Variants in SYBU observed in about 807,000 individuals in gnomAD.
SYBU encodes the protein GOLSYN A protein.
In SYBU, 21 loss-of-function variants were observed where a neutral mutation model predicts 35.9. That is an observed-to-expected ratio of 0.58 (90% CI 0.41 to 0.84). The LOEUF is 0.84. Among genes scored for constraint, SYBU ranks in the 40% least tolerant of loss-of-function variants. The pLI is 0.00. For missense variants in SYBU, 768 were observed against 848.2 expected (o/e 0.91, Z 1.17); for synonymous variants, 319 against 324.3 (o/e 0.98, Z 0.18).
intron 1 of SYBU, among the ~76,000 whole-genome samples, chr8:109,670,751 C>T (rs114757543): frequency 0.03 from 4,497 of 152,192 alleles, 224 homozygotes; most frequent in African/African-American, 0.1. Flanking sequence ...TTTTACCAAA[C>T]AATCCTGATT....
chr8:109,688,185 A>G (rs1464029363), intron 1 of SYBU, among the ~76,000 whole-genome samples: 1 of 152,198 alleles, frequency 6.6e-6, no homozygotes, highest in East Asian at 1.9e-4. Context: ...CAGATGAAAC[A>G]TTATTTCATA....
Position 109,577,875 on chromosome 8 carries a change from G to T in SYBU, c.877C>A (p.His293Asn). 2 of 1,612,246 alleles carry T rather than the reference G, an allele frequency of 1.2e-6. No homozygotes were observed. The highest frequency in any genetic ancestry group is 1.7e-6 in the Non-Finnish European group (2 of 1,179,156). ...CAAGGAAGGCAGATTCACCTTTCAT[G>T]GAGTCGGCGCTCAGATTCCTTCAGC... ...TKLKESERRL[H>N]ERESEIVELK... Residue 293 changes from histidine to asparagine, a missense_variant, in exon 6 of 7, where the codon CAT becomes AAT. His to Asn is a moderately conservative substitution (Grantham distance 68, BLOSUM62 1). Coordinates refer to ENST00000276646, the MANE Select transcript of SYBU (RefSeq NM_001099754.2).
rs926937533 is a variant in SYBU at position 109,588,326 on chromosome 8, A to C, written c.428-2164T>G. Among the ~76,000 whole-genome samples the C allele has an allele frequency of 3.3e-5, 5 of 152,196 alleles. No homozygotes were observed. In the South Asian group the frequency reaches 6.2e-4, roughly 19 times the overall value. On this transcript the variant is annotated intron_variant, in intron 3 of 6. Transcript: ENST00000276646. ...TGGTAATTATGTTCTCTGAACTGAA[A>C]GGACAACTTTGTTCTATATTTTATT...
intron 5 of SYBU, among the ~76,000 whole-genome samples, chr8:109,579,070 A>G: frequency 6.6e-6 from 1 of 152,142 alleles, no homozygotes; most frequent in South Asian, 2.1e-4. Flanking sequence ...AGGGATGCCC[A>G]GCAGGAAGAA....
At chr8:109,577,085 C>A (rs1006989556) in intron 6 of SYBU, among the ~76,000 whole-genome samples, 2 of 152,134 alleles carry the variant, frequency 1.3e-5, no homozygotes, top group Non-Finnish European at 2.9e-5. Flanking sequence ...CCCTTCCTCG[C>A]AGTCTGCACC....
chr8:109,618,739 G>A (rs908280189), intron 3 of SYBU, 103 bp downstream of exon 3: 25 of 1,039,036 alleles, frequency 2.4e-5, no homozygotes, highest in South Asian at 2.2e-4. Context: ...TGCTGGGTAC[G>A]GTATTTGTGA....
At chr8:109,690,240 G>C (rs1587007880) in intron 1 of SYBU, among the ~76,000 whole-genome samples, 1 of 152,136 alleles carries the variant, frequency 6.6e-6, no homozygotes, top group East Asian at 1.9e-4. Flanking sequence ...TTTCACCTGG[G>C]CTCATCTCTC....
chr8:109,622,531 C>T (rs999815372), intron 2 of SYBU, among the ~76,000 whole-genome samples: 1 of 152,150 alleles, frequency 6.6e-6, no homozygotes, highest in African/African-American at 2.4e-5. Context: ...GCGTGCCTGG[C>T]CACATTTACT....
chr8:109,689,321 T>C (rs1817591482), intron 1 of SYBU, among the ~76,000 whole-genome samples: 2 of 152,216 alleles, frequency 1.3e-5, no homozygotes, highest in South Asian at 2.1e-4. Context: ...TTTTAAAATT[T>C]TCTTTAATTA....
chr8:109,668,463 T>C, intron 1 of SYBU, among the ~76,000 whole-genome samples: 1 of 152,276 alleles, frequency 6.6e-6, no homozygotes, highest in Middle Eastern at 3.4e-3. Flanking sequence ...TCAAAGGTAA[T>C]TTAACTATAT....
chr8:109,601,571 G>C (rs976424434), intron 3 of SYBU, among the ~76,000 whole-genome samples: 2 of 152,096 alleles, frequency 1.3e-5, no homozygotes, highest in African/African-American at 4.8e-5. Context: ...AAAACACAGA[G>C]GAGGAAGAAA....
intron 1 of SYBU, among the ~76,000 whole-genome samples, chr8:109,690,900 G>A (rs1817630137): frequency 6.6e-6 from 1 of 152,110 alleles, no homozygotes; most frequent in South Asian, 2.1e-4. Context: ...TCCCTCTTTG[G>A]AGAGCTCAAT....
Position 109,579,480 on chromosome 8 carries a change from A to G in SYBU, c.734+319T>C, listed in dbSNP as rs1822758696. On this transcript the variant is annotated intron_variant, in intron 5 of 6. Transcript: ENST00000276646. ...TGCTCTGTTGCCCAGGCTGGAGTTCAGTGGCGTGATCTCGGTTCACTGGAA... is the reference window on the plus strand; with the variant it reads ...TGCTCTGTTGCCCAGGCTGGAGTTCGGTGGCGTGATCTCGGTTCACTGGAA... Among the ~76,000 whole-genome samples, 3 of 152,122 alleles carry G rather than the reference A, an allele frequency of 2.0e-5. No individual in the cohort carries two copies. In the South Asian group the frequency reaches 6.2e-4, roughly 32 times the overall value.
Position 109,575,470 on chromosome 8 carries a change from A to G in SYBU, c.1428T>C (p.Gly476=). 3 of 1,613,982 alleles carry G rather than the reference A, an allele frequency of 1.9e-6. No individual in the cohort carries two copies. The highest frequency in any genetic ancestry group is 2.5e-6 in the Non-Finnish European group (3 of 1,179,990). The stretch of plus-strand genomic sequence containing the variant: ...CCACCACCACACTGCCCTCCTCCTG[A>G]CCCATGACTATGGGCAGCAGCTCCA... ...NVLELLPIVM[G]QEEGSVVVER... Residue 476 remains glycine (G), a synonymous_variant, in exon 7 of 7, where the codon GGT becomes GGC. Coordinates refer to ENST00000276646, the MANE Select transcript of SYBU (RefSeq NM_001099754.2).
At chr8:109,631,284 T>C (rs1398859283) in intron 2 of SYBU, among the ~76,000 whole-genome samples, 2 of 152,196 alleles carry the variant, frequency 1.3e-5, no homozygotes, top group Non-Finnish European at 2.9e-5. Flanking sequence ...GTGACTGAAA[T>C]GAACACCTCA....
intron 1 of SYBU, among the ~76,000 whole-genome samples, chr8:109,677,228 T>A (rs1249335133): frequency 6.6e-6 from 1 of 152,166 alleles, no homozygotes; most frequent in Non-Finnish European, 1.5e-5. Context: ...CTAAAAGTAA[T>A]ACATACAAGT....
chr8:109,580,208 C>T (rs951429253), intron 4 of SYBU: 2 of 561,014 alleles, frequency 3.6e-6, no homozygotes, highest in Non-Finnish European at 6.4e-6. Flanking sequence ...GCAACCTCTC[C>T]CTCTGTTGTT....
At chr8:109,658,991 A>T (rs2130735694) in intron 1 of SYBU, among the ~76,000 whole-genome samples, 1 of 152,232 alleles carries the variant, frequency 6.6e-6, no homozygotes, top group Non-Finnish European at 1.5e-5. Context: ...CAACAAAAAA[A>T]ACCTTCTGCA....
chr8:109,667,287 T>C (rs967703339), intron 1 of SYBU, among the ~76,000 whole-genome samples: 8 of 152,042 alleles, frequency 5.3e-5, no homozygotes, highest in Non-Finnish European at 7.4e-5. Flanking sequence ...TGGCTAATTT[T>C]TTGTATTTTT....
Sources: allele counts gnomAD v4.1 joint callset (sites outside exome capture counted in the v4.1 genomes callset), GRCh38; gene constraint gnomAD v4.1.1; transcripts MANE v1.5; gene names NCBI Gene and HGNC (gene_info 2026-07-23, HGNC 2026-07-21).